Variants in NEXMIF observed in about 807,000 individuals in gnomAD.
NEXMIF encodes the protein XLMR protein related to neurite extension.
Under a neutral mutation model 62.1 loss-of-function variants are expected in NEXMIF, and 8 were observed. The ratio of observed to expected loss-of-function variants is 0.13; its 90% CI spans 0.08 to 0.23. The LOEUF (loss-of-function observed/expected upper bound fraction) is 0.23, where lower values mean the gene tolerates loss of function less well. Ranked by LOEUF, NEXMIF falls within the 10% of genes least tolerant of loss-of-function variation. NEXMIF has a pLI of 1.00. For synonymous variants in NEXMIF, 404 were observed against 416.6 expected (o/e 0.97, Z 0.37); for missense variants, 976 against 1,113.3 (o/e 0.88, Z 1.75).
rs187244828 is a variant in NEXMIF, at chrX:74,892,301, G to A, written c.-48+32582C>T. 1.1e-3 allele frequency among the ~76,000 whole-genome samples: 122 copies of A among 112,345 alleles called. 1 individual carries two copies. The highest frequency in any genetic ancestry group is 0.011 in the East Asian group (38 of 3,564). On this transcript the variant is annotated intron_variant, in intron 1 of 3. Transcript: ENST00000055682. ...AACAAAAACCTGACAAGGGAAAAGA[G>A]AAATTTGTTACAGGGCTTCCAAGAC... is the stretch of plus-strand genomic sequence containing the variant.
chrX:74,853,382 CCTCCACCT>C (rs2080522848), intron 1 of NEXMIF, among the ~76,000 whole-genome samples: 1 of 107,953 alleles, frequency 9.3e-6, no homozygotes. Context: ...GCAAATGCGG[CCTCCACCT>C]GGTGGAGGCC....
intron 1 of NEXMIF, among the ~76,000 whole-genome samples, chrX:74,923,991 T>C (rs761126553): frequency 3.6e-5 from 4 of 112,412 alleles, no homozygotes; most frequent in African/African-American, 1.3e-4. Context: ...AATTTTTTTT[T>C]AACTTCGAAA....
chrX:74,896,865 CTAGCTGCCTAA>C (rs2080734416), intron 1 of NEXMIF, among the ~76,000 whole-genome samples: 1 of 112,071 alleles, frequency 8.9e-6, no homozygotes, highest in African/African-American at 3.2e-5. Flanking sequence ...AGACACAAAG[CTAGCTGCCTAA>C]TATCCGCAGC....
intron 1 of NEXMIF, among the ~76,000 whole-genome samples, chrX:74,901,004 G>C (rs2080747929): frequency 9.0e-6 from 1 of 111,385 alleles, no homozygotes. Flanking sequence ...TGGGGAGAAG[G>C]GAAAATAGGG....
At chrX:74,853,387 A>G (rs765074848) in intron 1 of NEXMIF, among the ~76,000 whole-genome samples, 2 of 107,844 alleles carry the variant, frequency 1.9e-5, no homozygotes, top group Non-Finnish European at 3.8e-5. Flanking sequence ...TGCGGCCTCC[A>G]CCTGGTGGAG....
At chrX:74,909,320 T>G (rs2080779558) in intron 1 of NEXMIF, among the ~76,000 whole-genome samples, 1 of 111,773 alleles carries the variant, frequency 8.9e-6, no homozygotes, top group Non-Finnish European at 1.9e-5. Flanking sequence ...ATGAGGAACT[T>G]GTTAGGAACT....
At chrX:74,751,994 G>A (rs1277302678) in intron 1 of NEXMIF, among the ~76,000 whole-genome samples, 4 of 110,256 alleles carry the variant, frequency 3.6e-5, no homozygotes, top group African/African-American at 3.3e-5. Flanking sequence ...TTTAGTAGAG[G>A]CGGGGTTTCG....
rs922030260 is a variant in NEXMIF, at chrX:74,734,757, G to A, written c.*4648C>T. The A allele has an allele frequency of 8.9e-6, 1 of 112,072 alleles. No homozygotes were observed. Among genetic ancestry groups the A allele is most frequent in the African/African-American group, 3.3e-5 (1 of 30,724 alleles). 9.2% of individuals were successfully genotyped at this position (112,072 alleles called of 1,213,427 possible). On this transcript the variant is annotated 3_prime_UTR_variant, in exon 4 of 4. Transcript: ENST00000055682. The stretch of plus-strand genomic sequence containing the variant: ...CTTAGTTACGATTCTGAAACCAAGA[G>A]TACATCTCAAGTATGTAGCTGCAAT...
intron 1 of NEXMIF, among the ~76,000 whole-genome samples, chrX:74,788,622 AT>A (rs2080267855): frequency 9.0e-6 from 1 of 111,326 alleles, no homozygotes; most frequent in Non-Finnish European, 1.9e-5. Context: ...TGCTTACCCC[AT>A]TTCAGGTCAA....
At chrX:74,796,209 T>TTATATATATATACATATAATA (rs2080309050) in intron 1 of NEXMIF, among the ~76,000 whole-genome samples, 32 of 46,590 alleles carry the variant, frequency 6.9e-4, no homozygotes, top group Non-Finnish European at 1.2e-3. Flanking sequence ...TACATATATA[T>TTATATATATATACATATAATA]TATATATATA....
At chrX:74,828,198 G>T (rs994999253) in intron 1 of NEXMIF, among the ~76,000 whole-genome samples, 8 of 111,591 alleles carry the variant, frequency 7.2e-5, no homozygotes, top group Non-Finnish European at 1.3e-4. Flanking sequence ...TTTAGGAAGA[G>T]ACAAAAGGAA....
At chrX:74,852,190 C>T (rs893349329) in intron 1 of NEXMIF, among the ~76,000 whole-genome samples, 1 of 111,361 alleles carries the variant, frequency 9.0e-6, no homozygotes, top group Admixed American at 9.5e-5. Context: ...ACAAAAGATA[C>T]TTTAACTTGA....
intron 1 of NEXMIF, among the ~76,000 whole-genome samples, chrX:74,834,148 A>G (rs1430318813): frequency 2.8e-5 from 3 of 108,996 alleles, no homozygotes; most frequent in Middle Eastern, 4.8e-3. Flanking sequence ...AAAAAAAAAA[A>G]AAAGAAAGAA....
rs1474855046 is a variant in NEXMIF, at chrX:74,733,198, T to G, written c.*6207A>C. The stretch of plus-strand genomic sequence containing the variant: ...CAATGCTGCTGGTCTAGTCAAAGTA[T>G]TATTCAAAGTATGATTAGAACCTTC... On this transcript the variant is annotated 3_prime_UTR_variant, in exon 4 of 4. Coordinates refer to ENST00000055682, the MANE Select transcript of NEXMIF (RefSeq NM_001008537.3). 8.9e-6 allele frequency: 1 copy of G among 112,196 alleles called. No homozygotes were observed. The highest frequency in any genetic ancestry group is 1.9e-5 in the Non-Finnish European group (1 of 53,251). 9.2% of individuals were successfully genotyped at this position (112,196 alleles called of 1,213,427 possible).
chrX:74,920,965 G>A (rs2080824924), intron 1 of NEXMIF, among the ~76,000 whole-genome samples: 1 of 111,192 alleles, frequency 9.0e-6, no homozygotes, highest in Non-Finnish European at 1.9e-5. Context: ...TTTTTAATGG[G>A]GCTTGAGGGT....
chrX:74,827,957 A>G (rs2080423926), intron 1 of NEXMIF, among the ~76,000 whole-genome samples: 1 of 112,118 alleles, frequency 8.9e-6, no homozygotes, highest in African/African-American at 3.2e-5. Context: ...CAGATATCCC[A>G]TAAAATTGGT....
At chrX:74,848,964 C>A (rs756871589) in intron 1 of NEXMIF, among the ~76,000 whole-genome samples, 1 of 112,256 alleles carries the variant, frequency 8.9e-6, no homozygotes, top group South Asian at 3.7e-4. Flanking sequence ...TGATCTTGGA[C>A]TTGCCAGCCT....
chrX:74,803,582 A>G (rs1288299359), intron 1 of NEXMIF, among the ~76,000 whole-genome samples: 1 of 109,420 alleles, frequency 9.1e-6, no homozygotes, highest in Non-Finnish European at 1.9e-5. Flanking sequence ...AAATAAATAA[A>G]TAAATAAATA....
chrX:74,743,989 C>T lies in NEXMIF; in HGVS notation c.568G>A (p.Gly190Arg). ...SDIGIQCINA[G>R]ENMKYGEQLL... ...TGCTCTCCATATTTCATATTTTCTC[C>T]AGCATTAATACACTGAATCCCTATA... The change falls in exon 3 of 4, where the codon GGA (glycine) becomes AGA (arginine). Residue 190 changes from glycine (G) to arginine (R), a missense_variant. Around this residue, in one of 5 missense-constraint regions of NEXMIF, gnomAD observed 126 missense variants for 146.5 expected, o/e 0.86. Transcript: ENST00000055682. 3.3e-6 allele frequency: 4 copies of T among 1,211,005 alleles called. No individual in the cohort carries two copies. Among genetic ancestry groups the T allele is most frequent in the Non-Finnish European group, 4.5e-6 (4 of 895,074 alleles).
Sources: allele counts gnomAD v4.1 joint callset (sites outside exome capture counted in the v4.1 genomes callset), GRCh38; gene constraint gnomAD v4.1.1; regional missense constraint gnomAD v4.1.1; transcripts MANE v1.5; gene names NCBI Gene and HGNC (gene_info 2026-07-23, HGNC 2026-07-21).